IGSF11: variants seen among roughly 807,000 people sequenced by gnomAD.
IGSF11 encodes immunoglobulin superfamily member 11, also known as CXADR like 1.
In IGSF11, 22 loss-of-function variants were observed where a neutral mutation model predicts 41.0. The ratio of observed to expected loss-of-function variants is 0.54; its 90% CI spans 0.38 to 0.77. The LOEUF is 0.77. Among genes scored for constraint, IGSF11 ranks in the 30% least tolerant of loss-of-function variants. The pLI is 0.00. For synonymous variants in IGSF11, 219 were observed against 201.3 expected, an observed-to-expected ratio of 1.09 and a Z score of -0.74; for missense variants, 444 against 530.8, an observed-to-expected ratio of 0.84 and a Z score of 1.61.
At chr3:119,047,492 T>C (rs1021839633) in intron 1 of IGSF11, among the ~76,000 whole-genome samples, 12 of 152,168 alleles carry the variant, frequency 7.9e-5, no homozygotes, top group African/African-American at 2.9e-4. Context: ...CCCTGATTCA[T>C]AAAGCAAGTC....
chr3:119,087,397 C>T (rs528923069), intron 1 of IGSF11, among the ~76,000 whole-genome samples: 39 of 149,542 alleles, frequency 2.6e-4, no homozygotes, highest in South Asian at 1.1e-3. Flanking sequence ...CACACACACA[C>T]ACACATACAC....
chr3:118,985,315 G>T (rs1935142019), intron 1 of IGSF11, among the ~76,000 whole-genome samples: 1 of 152,132 alleles, frequency 6.6e-6, no homozygotes, highest in Non-Finnish European at 1.5e-5. Context: ...GGAGGGAAGG[G>T]GGGAATCTAC....
At chr3:119,073,300 A>T (rs2076432408) in intron 1 of IGSF11, among the ~76,000 whole-genome samples, 1 of 152,150 alleles carries the variant, frequency 6.6e-6, no homozygotes, top group African/African-American at 2.4e-5. Context: ...AAAGTTCTCC[A>T]AGTCCCCACC....
Position 119,034,617 on chromosome 3 carries a change from C to T in IGSF11, c.-35G>A, listed in dbSNP as rs755211560. 11 of 1,560,914 alleles carry T rather than the reference C, an allele frequency of 7.0e-6. No homozygotes were observed. The African/African-American group carries it at 1.4e-4, about 20-fold the overall frequency. On this transcript the variant is annotated 5_prime_UTR_variant, in exon 1 of 7. Coordinates refer to ENST00000393775, the MANE Select transcript of IGSF11 (RefSeq NM_001015887.3). ...GCAGGGAGCGCGCCTGCCTCCTACC[C>T]GGCTCCCGGTCGCAACAGGAGAGGA...
chr3:119,145,106 T>A (rs1460818247), intron 1 of IGSF11, among the ~76,000 whole-genome samples: 1 of 152,204 alleles, frequency 6.6e-6, no homozygotes, highest in Non-Finnish European at 1.5e-5. Context: ...GTGCTTAGAT[T>A]CCCCTTTCCA....
intron 1 of IGSF11, among the ~76,000 whole-genome samples, chr3:119,004,883 C>G (rs913539929): frequency 4.6e-5 from 7 of 152,154 alleles, no homozygotes; most frequent in African/African-American, 9.6e-5. Context: ...TTACTTCCAA[C>G]TATGTGGTCA....
At chr3:119,110,948 GC>G (rs1437822483) in intron 1 of IGSF11, among the ~76,000 whole-genome samples, 1 of 151,788 alleles carries the variant, frequency 6.6e-6, no homozygotes, top group Non-Finnish European at 1.5e-5. Flanking sequence ...TAGAGTTTCT[GC>G]CGAGAGATCC....
At chr3:119,096,154 T>C (rs2076846468) in intron 1 of IGSF11, among the ~76,000 whole-genome samples, 2 of 152,110 alleles carry the variant, frequency 1.3e-5, no homozygotes, top group African/African-American at 4.8e-5. Flanking sequence ...GAGTAAACTC[T>C]ATCATGGTTA....
chr3:119,049,645 CTACTT>C (rs1941530160), intron 1 of IGSF11, among the ~76,000 whole-genome samples: 1 of 152,110 alleles, frequency 6.6e-6, no homozygotes, highest in South Asian at 2.1e-4. Flanking sequence ...TTGGAAAAAA[CTACTT>C]TAAAGTTCAT....
Position 118,969,464 on chromosome 3 carries a change from G to A in IGSF11, c.53-39189C>T, listed in dbSNP as rs139454393. Among the ~76,000 whole-genome samples the A allele has an allele frequency of 3.5e-3, 540 of 152,294 alleles. 4 individuals are homozygous for A. The highest frequency in any genetic ancestry group is 0.012 in the African/African-American group (489 of 41,566). On this transcript the variant is annotated intron_variant, in intron 1 of 6. Transcript: ENST00000393775. ...AAGGACAGGTTCAGGTTGGAAAACA[G>A]CGGGAACAATGAAGCGGACACAGAG...
At chr3:119,087,687 G>T (rs2076699135) in intron 1 of IGSF11, among the ~76,000 whole-genome samples, 1 of 152,086 alleles carries the variant, frequency 6.6e-6, no homozygotes, top group African/African-American at 2.4e-5. Context: ...CTGCTTGGGT[G>T]ATGGGTGTAC....
intron 1 of IGSF11, among the ~76,000 whole-genome samples, chr3:119,095,058 T>C (rs766412308): frequency 6.6e-6 from 1 of 151,986 alleles, no homozygotes; most frequent in Non-Finnish European, 1.5e-5. Context: ...ATTCCAAAAG[T>C]TCAGGAAAAG....
chr3:119,009,525 T>C (rs184429634), intron 1 of IGSF11, among the ~76,000 whole-genome samples: 142 of 152,302 alleles, frequency 9.3e-4, no homozygotes, highest in African/African-American at 3.2e-3. Flanking sequence ...TGCTGCTTTG[T>C]GAAGAAGGTA....
chr3:118,933,326 A>C (rs1247772196), intron 1 of IGSF11, among the ~76,000 whole-genome samples: 3 of 152,104 alleles, frequency 2.0e-5, no homozygotes, highest in Non-Finnish European at 4.4e-5. Context: ...AAATATTATC[A>C]TCACATCATA....
intron 1 of IGSF11, among the ~76,000 whole-genome samples, chr3:118,983,729 C>A (rs1221101555): frequency 2.0e-5 from 3 of 152,194 alleles, no homozygotes; most frequent in Admixed American, 1.3e-4. Context: ...CCAAATCAAT[C>A]TGGCTTCAGA....
intron 1 of IGSF11, among the ~76,000 whole-genome samples, chr3:118,997,710 C>T (rs747045611): frequency 2.6e-5 from 4 of 152,114 alleles, no homozygotes; most frequent in Non-Finnish European, 2.9e-5. Context: ...GTAAAATTAA[C>T]AGTTTAGAGA....
intron 3 of IGSF11, 80 bp from the exon 4 acceptor site, chr3:118,926,336 A>G: frequency 8.7e-7 from 1 of 1,154,928 alleles, no homozygotes; most frequent in Non-Finnish European, 1.2e-6. Flanking sequence ...AACATTCAGT[A>G]CATTGGACCC....
intron 1 of IGSF11, among the ~76,000 whole-genome samples, chr3:119,061,615 C>T (rs1576749874): frequency 6.6e-6 from 1 of 152,298 alleles, no homozygotes; most frequent in East Asian, 1.9e-4. Flanking sequence ...TTTTTCACTT[C>T]CCCATCAATT....
At chr3:119,001,140 C>T (rs1429027151) in intron 1 of IGSF11, among the ~76,000 whole-genome samples, 1 of 151,736 alleles carries the variant, frequency 6.6e-6, no homozygotes, top group Non-Finnish European at 1.5e-5. Context: ...TTCAATTCGC[C>T]TATATCCTTC....
Sources: gnomAD v4.1 joint callset for allele counts (sites outside exome capture counted in the v4.1 genomes callset) on GRCh38, gnomAD v4.1.1 for gene constraint, MANE v1.5 for transcripts, NCBI Gene and HGNC (gene_info 2026-07-23, HGNC 2026-07-21) for gene names.